The following PRKCH variants were observed in gnomAD, a reference collection of about 807,000 sequenced individuals.
PRKCH encodes protein kinase C eta, also known as protein kinase C eta type.
Under a neutral mutation model 82.5 loss-of-function variants are expected in PRKCH, and 28 were observed. That is an observed-to-expected ratio of 0.34 (90% confidence interval 0.25 to 0.47). The LOEUF (loss-of-function observed/expected upper bound fraction) is 0.47. Among genes scored for constraint, PRKCH ranks in the 20% least tolerant of loss-of-function variants. PRKCH has a pLI of 1.00. For synonymous variants in PRKCH, 322 were observed against 327.4 expected, an observed-to-expected ratio of 0.98 and a Z score of 0.18; for missense variants, 705 against 881.8, an observed-to-expected ratio of 0.80 and a Z score of 2.54.
intron 2 of PRKCH, among the ~76,000 whole-genome samples, chr14:61,412,510 AG>A (rs1555384733): frequency 6.6e-6 from 1 of 151,886 alleles, no homozygotes; most frequent in Non-Finnish European, 1.5e-5. Flanking sequence ...CTCTCTAGCC[AG>A]GACTGTGGGG....
intron 7 of PRKCH, among the ~76,000 whole-genome samples, chr14:61,455,094 A>G (rs1422326335): frequency 6.6e-6 from 1 of 151,712 alleles, no homozygotes; most frequent in Non-Finnish European, 1.5e-5. Context: ...CAGTGGCACA[A>G]TCTCAGCTCA....
At chr14:61,326,283 T>A (rs1220203483) in intron 1 of PRKCH, among the ~76,000 whole-genome samples, 1 of 152,204 alleles carries the variant, frequency 6.6e-6, no homozygotes, top group Non-Finnish European at 1.5e-5. Context: ...CTATTACACA[T>A]GTAACAACAG....
At chr14:61,473,084 TA>T (rs903824375) in intron 9 of PRKCH, among the ~76,000 whole-genome samples, 5 of 152,140 alleles carry the variant, frequency 3.3e-5, no homozygotes, top group African/African-American at 1.2e-4. Context: ...AGGGATCTTA[TA>T]GTCACAAGAG....
intron 1 of PRKCH, among the ~76,000 whole-genome samples, chr14:61,209,273 A>G (rs1478091085): frequency 1.3e-5 from 2 of 148,484 alleles, no homozygotes; most frequent in Admixed American, 6.8e-5. Flanking sequence ...GTATTCTGTT[A>G]CAACAATACA....
At chr14:61,375,852 T>C in intron 1 of PRKCH, among the ~76,000 whole-genome samples, 1 of 151,824 alleles carries the variant, frequency 6.6e-6, no homozygotes. Flanking sequence ...AGGTGAATAT[T>C]TTGAAGGCTT....
intron 9 of PRKCH, among the ~76,000 whole-genome samples, chr14:61,458,930 G>A (rs1444719322): frequency 1.3e-5 from 2 of 152,126 alleles, no homozygotes; most frequent in Admixed American, 1.3e-4. Flanking sequence ...TCTGGGTGGG[G>A]ACACACAGCC....
intron 3 of PRKCH, 112 bp downstream of exon 3, chr14:61,443,373 T>A: frequency 8.3e-7 from 1 of 1,197,950 alleles, no homozygotes; most frequent in Non-Finnish European, 1.1e-6. Context: ...TTTCAGGATC[T>A]GATTTTTGCC....
intron 1 of PRKCH, among the ~76,000 whole-genome samples, chr14:61,296,809 A>G (rs186710578): frequency 8.5e-5 from 13 of 152,342 alleles, no homozygotes; most frequent in Admixed American, 6.5e-4. Flanking sequence ...CCTATGTATT[A>G]TAGTTTCAGG....
intron 10 of PRKCH, among the ~76,000 whole-genome samples, chr14:61,505,005 A>C (rs886896026): frequency 6.6e-6 from 1 of 152,188 alleles, no homozygotes; most frequent in African/African-American, 2.4e-5. Context: ...TAGTGTAAGC[A>C]CACAAACAAG....
chr14:61,296,834 AAGT>A (rs1283402922), intron 1 of PRKCH, among the ~76,000 whole-genome samples: 1 of 152,212 alleles, frequency 6.6e-6, no homozygotes, highest in Non-Finnish European at 1.5e-5. Context: ...TGAAGAGTGA[AAGT>A]AGAAAGTTGT....
At position 61,457,660 on chromosome 14, in the gene PRKCH, T is replaced by G. The variant is rs1429573497; in HGVS notation, c.1259T>G (p.Phe420Cys). ...ARNHPFLTQL[F>C]CCFQTPDRLF... ...AATCACCCCTTCCTCACTCAGTTGT[T>G]CTGCTGCTTTCAGACCCCCGTAAGT... Residue 420 changes from phenylalanine (F) to cysteine (C), a missense_variant, in exon 9 of 14, where the codon TTC becomes TGC. This residue lies in a region of PRKCH where 238 missense variants were observed against 258.1 expected (regional missense o/e 0.92). Transcript: ENST00000332981. 1 of 1,614,142 alleles carries G rather than the reference T, an allele frequency of 6.2e-7. No individual in the cohort carries two copies. Among genetic ancestry groups the G allele is most frequent in the African/African-American group, 1.3e-5 (1 of 75,046 alleles).
At chr14:61,205,722 G>T (rs1206475174) in intron 1 of PRKCH, among the ~76,000 whole-genome samples, 2 of 152,104 alleles carry the variant, frequency 1.3e-5, no homozygotes, top group Non-Finnish European at 2.9e-5. Context: ...TAAAATACAG[G>T]TAAAACACCC....
At chr14:61,378,373 T>C (rs2046453318) in intron 1 of PRKCH, among the ~76,000 whole-genome samples, 1 of 152,016 alleles carries the variant, frequency 6.6e-6, no homozygotes, top group Non-Finnish European at 1.5e-5. Context: ...CCACCACATC[T>C]GGCTAATTTT....
chr14:61,244,523 A>G (rs939425008), intron 1 of PRKCH, among the ~76,000 whole-genome samples: 2 of 152,222 alleles, frequency 1.3e-5, no homozygotes, highest in African/African-American at 2.4e-5. Flanking sequence ...TGGCTGCTAA[A>G]TAACAGATGA....
intron 1 of PRKCH, among the ~76,000 whole-genome samples, chr14:61,358,931 A>C (rs374728031): frequency 1.3e-5 from 2 of 152,126 alleles, no homozygotes; most frequent in East Asian, 3.9e-4. Flanking sequence ...CACCTCCTCC[A>C]GGAAGCCTTC....
intron 13 of PRKCH, 126 bp from the exon 14 acceptor site, chr14:61,549,559 A>G (rs2043300480): frequency 1.3e-5 from 14 of 1,046,832 alleles, no homozygotes; most frequent in Non-Finnish European, 1.9e-5. Flanking sequence ...CAATAACTGT[A>G]AATAATGCTA....
intron 9 of PRKCH, among the ~76,000 whole-genome samples, chr14:61,475,788 A>G (rs1885704248): frequency 6.6e-6 from 1 of 152,242 alleles, no homozygotes; most frequent in African/African-American, 2.4e-5. Context: ...TGTTAAGTAT[A>G]ATTAGGACAC....
intron 10 of PRKCH, among the ~76,000 whole-genome samples, chr14:61,521,416 C>T (rs769659265): frequency 2.6e-5 from 4 of 151,982 alleles, no homozygotes; most frequent in Non-Finnish European, 5.9e-5. Flanking sequence ...TATGATGCAG[C>T]AACCAATATC....
intron 1 of PRKCH, chr14:61,326,881 C>T: frequency 4.3e-6 from 1 of 234,778 alleles, no homozygotes; most frequent in Non-Finnish European, 8.9e-6. Flanking sequence ...TGCATAATTT[C>T]TCTGGCTTCC....
Sources: allele counts gnomAD v4.1 joint callset (sites outside exome capture counted in the v4.1 genomes callset), GRCh38; gene constraint gnomAD v4.1.1; regional missense constraint gnomAD v4.1.1; transcripts MANE v1.5; gene names NCBI Gene and HGNC (gene_info 2026-07-23, HGNC 2026-07-21).